GRAMD1C: variants seen among roughly 807,000 people sequenced by gnomAD.
The protein encoded by GRAMD1C is protein Aster-C.
In GRAMD1C, 89 loss-of-function variants were observed where a neutral mutation model predicts 97.8. That is an observed-to-expected ratio of 0.91 (90% CI 0.77 to 1.09). The LOEUF (loss-of-function observed/expected upper bound fraction) is 1.09. Ranked by LOEUF, GRAMD1C falls within the 50% of genes least tolerant of loss-of-function variation. GRAMD1C has a pLI of 0.00. For synonymous variants in GRAMD1C, 256 were observed against 267.0 expected, an observed-to-expected ratio of 0.96 and a Z score of 0.40; for missense variants, 740 against 766.4, an observed-to-expected ratio of 0.97 and a Z score of 0.41.
chr3:113,885,745 G>A, intron 6 of GRAMD1C: 3 of 1,577,274 alleles, frequency 1.9e-6, no homozygotes, highest in Non-Finnish European at 2.6e-6. Flanking sequence ...AATAGCAGAA[G>A]CATCCTTAAG....
At chr3:113,882,229 T>A (rs1935295671) in intron 5 of GRAMD1C, among the ~76,000 whole-genome samples, 1 of 152,206 alleles carries the variant, frequency 6.6e-6, no homozygotes, top group African/African-American at 2.4e-5. Context: ...AGTGTTAGCA[T>A]GGGTACTTTA....
At chr3:113,941,969 G>A (rs114585128) in intron 17 of GRAMD1C, among the ~76,000 whole-genome samples, 9 of 149,788 alleles carry the variant, frequency 6.0e-5, no homozygotes, top group Non-Finnish European at 1.2e-4. Flanking sequence ...CAACTGGAGT[G>A]CAGTGGCATG....
At chr3:113,870,229 G>A (rs1322857395) in intron 3 of GRAMD1C, among the ~76,000 whole-genome samples, 1 of 151,976 alleles carries the variant, frequency 6.6e-6, no homozygotes. Flanking sequence ...CAGGTGTGGT[G>A]GTATGTGCCT....
intron 5 of GRAMD1C, among the ~76,000 whole-genome samples, chr3:113,882,123 G>T (rs2245830): frequency 0.79 from 119,954 of 152,042 alleles, 47,508 homozygotes; most frequent in Middle Eastern, 0.89. Context: ...AAAAGCCTAT[G>T]TTAAAATATG....
chr3:113,904,307 G>C, intron 8 of GRAMD1C, 35 bp downstream of exon 8: 1 of 1,361,464 alleles, frequency 7.3e-7, no homozygotes, highest in African/African-American at 1.4e-5. Context: ...AATATATCTG[G>C]TACTGTCATG....
chr3:113,861,006 T>G (rs904697626), intron 2 of GRAMD1C, among the ~76,000 whole-genome samples: 2 of 150,576 alleles, frequency 1.3e-5, no homozygotes, highest in African/African-American at 4.9e-5. Flanking sequence ...AATAGACTTG[T>G]GTGTTAAGGG....
chr3:113,844,398 A>G, intron 1 of GRAMD1C, 105 bp from the exon 2 acceptor site: 1 of 718,192 alleles, frequency 1.4e-6, no homozygotes, highest in Non-Finnish European at 2.4e-6. Context: ...ACATTTAAAT[A>G]TTGCCCTTTT....
At chr3:113,909,650 T>A (rs1577193106) in intron 9 of GRAMD1C, among the ~76,000 whole-genome samples, 1 of 152,254 alleles carries the variant, frequency 6.6e-6, no homozygotes, top group Admixed American at 6.5e-5. Flanking sequence ...AAGGTTTTTC[T>A]AAACTTGTTT....
intron 7 of GRAMD1C, among the ~76,000 whole-genome samples, chr3:113,903,194 C>T (rs1009510617): frequency 1.3e-5 from 2 of 150,314 alleles, no homozygotes; most frequent in Non-Finnish European, 1.5e-5. Context: ...AGGATGGTCT[C>T]GATCTCTTGA....
intron 6 of GRAMD1C, chr3:113,890,683 C>G: frequency 1.5e-6 from 1 of 680,930 alleles, no homozygotes; most frequent in South Asian, 1.6e-5. Context: ...AAGGCACCAG[C>G]GACATCGCAG....
chr3:113,916,884 C>T (rs1481876595), intron 10 of GRAMD1C, among the ~76,000 whole-genome samples: 1 of 152,122 alleles, frequency 6.6e-6, no homozygotes, highest in Admixed American at 6.5e-5. Flanking sequence ...TATGGTGGCT[C>T]ATGCCTGTAA....
upstream of GRAMD1C, among the ~76,000 whole-genome samples, chr3:113,837,599 ATT>A (rs1709656875): frequency 6.6e-6 from 1 of 152,156 alleles, no homozygotes; most frequent in African/African-American, 2.4e-5. Flanking sequence ...TGAAAGCGTT[ATT>A]ATTGACTGGG....
chr3:113,882,804 G>A lies in GRAMD1C; in HGVS notation c.512G>A (p.Arg171Lys), dbSNP rs766013370. Residue 171 changes from arginine to lysine, a missense_variant, in exon 6 of 18, where the codon AGG becomes AAG. Physicochemically the swap from Arg to Lys is conservative, Grantham distance 26 (BLOSUM62 2). Transcript: ENST00000358160. ...GATAGAAGTTACCTCAGTATCTTTA[G>A]GTTGTGGCAGAATGTATTATTAGAT... ...ARDRSYLSIF[R>K]LWQNVLLDKS... is the part of the protein sequence containing the mutation. 1.9e-6 allele frequency: 3 copies of A among 1,589,072 alleles called. No homozygotes were observed. In the Admixed American group the frequency reaches 5.0e-5, roughly 27 times the overall value.
chr3:113,871,676 C>A (rs894117766), intron 3 of GRAMD1C, among the ~76,000 whole-genome samples: 1 of 139,458 alleles, frequency 7.2e-6, no homozygotes. Context: ...ACCTGGGAGG[C>A]GGAGCTTGCA....
intron 6 of GRAMD1C, among the ~76,000 whole-genome samples, chr3:113,889,321 A>G (rs1935627856): frequency 6.6e-6 from 1 of 152,256 alleles, no homozygotes; most frequent in Non-Finnish European, 1.5e-5. Context: ...GACGCCAGTC[A>G]TAAAAGAACA....
At chr3:113,914,128 T>A (rs952349175) in intron 9 of GRAMD1C, among the ~76,000 whole-genome samples, 1 of 152,230 alleles carries the variant, frequency 6.6e-6, no homozygotes, top group African/African-American at 2.4e-5. Context: ...AATATTTGAA[T>A]TATTTTTACA....
rs116735750 is a variant in GRAMD1C, at chr3:113,895,937, G to A, written c.541-5094G>A. On this transcript the variant is annotated intron_variant, in intron 6 of 17. Transcript: ENST00000358160. ...CTGTCTTTGAGGTTGATGTCAAATA[G>A]TAGTGTTTTAAAATCATGTCTTTTA... is the stretch of plus-strand genomic sequence containing the variant. Among the ~76,000 whole-genome samples the A allele has an allele frequency of 1.6e-3, 246 of 152,300 alleles. 1 individual carries two copies. The highest frequency in any genetic ancestry group is 6.8e-3 in the Middle Eastern group (2 of 294).
At chr3:113,894,633 G>A (rs1406075807) in intron 6 of GRAMD1C, among the ~76,000 whole-genome samples, 1 of 152,098 alleles carries the variant, frequency 6.6e-6, no homozygotes, top group Non-Finnish European at 1.5e-5. Flanking sequence ...AGCACATGGG[G>A]GCTATGGGGA....
intron 2 of GRAMD1C, among the ~76,000 whole-genome samples, chr3:113,863,030 A>T (rs1389147581): frequency 2.0e-5 from 3 of 152,140 alleles, no homozygotes; most frequent in Non-Finnish European, 4.4e-5. Flanking sequence ...ATAGTTTGGC[A>T]CTTCCTAAAA....
Sources: gnomAD v4.1 joint callset for allele counts (sites outside exome capture counted in the v4.1 genomes callset) on GRCh38, gnomAD v4.1.1 for gene constraint, MANE v1.5 for transcripts, NCBI Gene and HGNC (gene_info 2026-07-23, HGNC 2026-07-21) for gene names.